Variants in DKK2 observed in about 807,000 individuals in gnomAD.
The protein encoded by DKK2 is dickkopf Wnt signaling pathway inhibitor 2, also known as dickkopf-related protein 2.
Under a neutral mutation model 28.1 loss-of-function variants are expected in DKK2, and 11 were observed. The ratio of observed to expected loss-of-function variants is 0.39; its 90% CI spans 0.25 to 0.65. DKK2 has a LOEUF of 0.65. Ranked by LOEUF, DKK2 falls within the 30% of genes least tolerant of loss-of-function variation. The pLI is 0.47. For synonymous variants in DKK2, 135 were observed against 126.5 expected (o/e 1.07, Z -0.45); for missense variants, 326 against 335.5 (o/e 0.97, Z 0.22).
intron 1 of DKK2, among the ~76,000 whole-genome samples, chr4:107,027,291 A>T (rs1321033578): frequency 6.6e-6 from 1 of 152,172 alleles, no homozygotes; most frequent in Non-Finnish European, 1.5e-5. Flanking sequence ...TCTGCCTCTC[A>T]TTTGGATGAA....
intron 1 of DKK2, among the ~76,000 whole-genome samples, chr4:107,029,595 T>C (rs1723846293): frequency 1.3e-5 from 2 of 152,154 alleles, no homozygotes; most frequent in Non-Finnish European, 2.9e-5. Flanking sequence ...ATAATATACC[T>C]GAAGATCGCT....
chr4:106,929,196 C>G (rs943033059), intron 1 of DKK2, among the ~76,000 whole-genome samples: 2 of 152,086 alleles, frequency 1.3e-5, no homozygotes, highest in Non-Finnish European at 2.9e-5. Context: ...TTACCTGGTA[C>G]TTATTTTAAA....
chr4:107,021,849 A>C (rs1218396076), intron 1 of DKK2, among the ~76,000 whole-genome samples: 1 of 152,024 alleles, frequency 6.6e-6, no homozygotes, highest in Non-Finnish European at 1.5e-5. Context: ...TCACAATCAG[A>C]TCTTTTCCTG....
rs561739649 is a variant in DKK2, at chr4:106,931,058, T to C, written c.223-5109A>G. 3.3e-5 allele frequency among the ~76,000 whole-genome samples: 5 copies of C among 152,190 alleles called. No individual in the cohort carries two copies. The East Asian group carries it at 9.6e-4, about 29-fold the overall frequency. On this transcript the variant is annotated intron_variant, in intron 1 of 3. Coordinates refer to ENST00000285311, the MANE Select transcript of DKK2 (RefSeq NM_014421.3). ...AACACTAAAATGCAACTGCAGGAGG[T>C]GCAGGGACTTATATGTCAATCTGCC...
intron 1 of DKK2, among the ~76,000 whole-genome samples, chr4:107,018,534 G>C (rs1232950220): frequency 6.6e-6 from 1 of 152,064 alleles, no homozygotes; most frequent in Admixed American, 6.6e-5. Context: ...CAGAAGAATT[G>C]CCTCAGAAAT....
At chr4:106,985,716 G>A (rs545622396) in intron 1 of DKK2, among the ~76,000 whole-genome samples, 1 of 151,650 alleles carries the variant, frequency 6.6e-6, no homozygotes, top group East Asian at 1.9e-4. Context: ...GACTGAGGCA[G>A]GAGAATCACT....
intron 1 of DKK2, among the ~76,000 whole-genome samples, chr4:107,020,361 T>C (rs1272681760): frequency 6.6e-6 from 1 of 152,058 alleles, no homozygotes; most frequent in Non-Finnish European, 1.5e-5. Context: ...TAAAAAGCCA[T>C]TTCCTCCTGG....
chr4:106,926,060 G>T, intron 1 of DKK2, 111 bp from the exon 2 acceptor site: 1 of 1,191,448 alleles, frequency 8.4e-7, no homozygotes, highest in Non-Finnish European at 1.1e-6. Context: ...ATCTCACCCG[G>T]AAGGAACTAT....
At chr4:106,940,951 A>G (rs1724687858) in intron 1 of DKK2, among the ~76,000 whole-genome samples, 1 of 151,716 alleles carries the variant, frequency 6.6e-6, no homozygotes, top group Non-Finnish European at 1.5e-5. Context: ...CACTCTGGGG[A>G]CTGTTGTGTG....
At chr4:107,027,963 A>G (rs1473174438) in intron 1 of DKK2, among the ~76,000 whole-genome samples, 1 of 151,918 alleles carries the variant, frequency 6.6e-6, no homozygotes, top group Non-Finnish European at 1.5e-5. Flanking sequence ...CGTGTTAGCC[A>G]GGATGGTCTC....
chr4:106,949,791 C>A (rs1048811104), intron 1 of DKK2, among the ~76,000 whole-genome samples: 1 of 152,102 alleles, frequency 6.6e-6, no homozygotes, highest in Non-Finnish European at 1.5e-5. Flanking sequence ...ATCTATTTTT[C>A]TTTTGCATCA....
At chr4:106,956,970 AC>A (rs1722603518) in intron 1 of DKK2, among the ~76,000 whole-genome samples, 1 of 151,782 alleles carries the variant, frequency 6.6e-6, no homozygotes, top group Admixed American at 6.6e-5. Flanking sequence ...CAGGCAACCT[AC>A]AAAATGGGAG....
rs1458199022 is a variant in DKK2 at position 106,999,983 on chromosome 4, A to G, written c.222+35387T>C. Reference sequence around the variant, plus strand: ...AATGTGATAATGAAATACGTAATACAAAAAGAAGTATAGAAAGATGTGATA... The same window carrying G: ...AATGTGATAATGAAATACGTAATACGAAAAGAAGTATAGAAAGATGTGATA... On this transcript the variant is annotated intron_variant, in intron 1 of 3. Transcript: ENST00000285311. Among the ~76,000 whole-genome samples the G allele has an allele frequency of 2.0e-5, 3 of 152,222 alleles. No homozygotes were observed. The East Asian group carries it at 5.8e-4, about 29-fold the overall frequency.
intron 1 of DKK2, among the ~76,000 whole-genome samples, chr4:106,983,349 AAAGAAAGAAAGAAAGAAAG>A (rs1723061076): frequency 7.2e-6 from 1 of 139,440 alleles, no homozygotes; most frequent in Non-Finnish European, 1.6e-5. Context: ...AGAAAGAAAG[AAAGAAAGAAAGAAAGAAAG>A]AAGAAAGAAA....
At chr4:106,981,156 GA>G (rs980102517) in intron 1 of DKK2, among the ~76,000 whole-genome samples, 1 of 151,788 alleles carries the variant, frequency 6.6e-6, no homozygotes, top group African/African-American at 2.4e-5. Context: ...ATATGGGGGA[GA>G]AAAAGGGACT....
At chr4:106,928,767 C>T (rs878915646) in intron 1 of DKK2, among the ~76,000 whole-genome samples, 1 of 152,162 alleles carries the variant, frequency 6.6e-6, no homozygotes, top group African/African-American at 2.4e-5. Flanking sequence ...ATTCTCATGT[C>T]TTACTAAGCA....
rs976732731 is a variant in DKK2 at position 106,923,224 on chromosome 4, T to A, written c.*730A>T. The A allele has an allele frequency of 3.9e-5, 6 of 152,210 alleles. No individual in the cohort carries two copies. The highest frequency in any genetic ancestry group is 1.2e-4 in the African/African-American group (5 of 41,448). 9.4% of individuals were successfully genotyped at this position (152,210 alleles called of 1,614,324 possible). ...GTCATTCCGTAGAATCTGAAGGAAC[T>A]GTTTTTGTCTTGTATCAGTTCTTAT... On this transcript the variant is annotated 3_prime_UTR_variant, in exon 4 of 4. Coordinates refer to ENST00000285311, the MANE Select transcript of DKK2 (RefSeq NM_014421.3).
At chr4:106,984,731 A>G (rs79826754) in intron 1 of DKK2, among the ~76,000 whole-genome samples, 6,463 of 152,330 alleles carry the variant, frequency 0.042, 196 homozygotes, top group African/African-American at 0.084. Context: ...GTCTGTAGCC[A>G]CTTCATTCTT....
At chr4:106,938,508 A>C (rs1476993075) in intron 1 of DKK2, among the ~76,000 whole-genome samples, 1 of 152,250 alleles carries the variant, frequency 6.6e-6, no homozygotes, top group Non-Finnish European at 1.5e-5. Context: ...GTCCAGGACC[A>C]GATGGATTCA....
Sources: gnomAD v4.1 joint callset for allele counts (sites outside exome capture counted in the v4.1 genomes callset) on GRCh38, gnomAD v4.1.1 for gene constraint, MANE v1.5 for transcripts, NCBI Gene and HGNC (gene_info 2026-07-23, HGNC 2026-07-21) for gene names.